The following ADAM2 variants were observed in gnomAD, a reference collection of about 807,000 sequenced individuals.
ADAM2 encodes ADAM metallopeptidase domain 2.
Under a neutral mutation model 99.3 loss-of-function variants are expected in ADAM2, and 101 were observed. The observed-to-expected ratio is 1.02, with a 90% confidence interval of 0.87 to 1.20. The LOEUF is 1.20. Ranked by LOEUF, ADAM2 falls within the 50% of genes most tolerant of loss-of-function variation. ADAM2 has a pLI of 0.00. For missense variants in ADAM2, 948 were observed against 878.7 expected, an observed-to-expected ratio of 1.08 and a Z score of -1.00; for synonymous variants, 323 against 287.6, an observed-to-expected ratio of 1.12 and a Z score of -1.25.
intron 3 of ADAM2, among the ~76,000 whole-genome samples, chr8:39,830,870 G>A (rs1348628294): frequency 2.0e-5 from 3 of 152,128 alleles, no homozygotes; most frequent in African/African-American, 7.2e-5. Context: ...ATGGTTTTAG[G>A]AGGTGATACT....
At chr8:39,748,453 C>G (rs1823561487) in intron 18 of ADAM2, among the ~76,000 whole-genome samples, 1 of 152,102 alleles carries the variant, frequency 6.6e-6, no homozygotes, top group Admixed American at 6.6e-5. Flanking sequence ...ACTTACTAAT[C>G]TATTACTATA....
chr8:39,818,412 A>T (rs1363003253), intron 6 of ADAM2, among the ~76,000 whole-genome samples: 2 of 152,068 alleles, frequency 1.3e-5, no homozygotes, highest in African/African-American at 4.8e-5. Flanking sequence ...ACAAACTAAC[A>T]CTGGATGAAA....
At chr8:39,791,759 C>A (rs2129585626) in intron 7 of ADAM2, among the ~76,000 whole-genome samples, 1 of 152,122 alleles carries the variant, frequency 6.6e-6, no homozygotes, top group South Asian at 2.1e-4. Context: ...TAAAAGATAG[C>A]TGTTGCCACA....
intron 5 of ADAM2, 91 bp from the exon 6 acceptor site, chr8:39,821,261 C>G (rs1805177122): frequency 1.1e-6 from 1 of 923,434 alleles, no homozygotes; most frequent in African/African-American, 1.7e-5. Flanking sequence ...TCATGGTATG[C>G]AGATTATTTT....
At chr8:39,776,507 A>G (rs965744897) in intron 11 of ADAM2, among the ~76,000 whole-genome samples, 2 of 152,124 alleles carry the variant, frequency 1.3e-5, no homozygotes, top group Non-Finnish European at 2.9e-5. Context: ...ATTTCTACAA[A>G]CATTCATAAT....
At chr8:39,790,877 C>T (rs1480842015) in intron 7 of ADAM2, among the ~76,000 whole-genome samples, 1 of 151,762 alleles carries the variant, frequency 6.6e-6, no homozygotes, top group Non-Finnish European at 1.5e-5. Context: ...ATTTTAATGT[C>T]CCCAATTAAC....
intron 14 of ADAM2, among the ~76,000 whole-genome samples, chr8:39,765,700 C>T (rs568152351): frequency 6.6e-6 from 1 of 152,284 alleles, no homozygotes; most frequent in African/African-American, 2.4e-5. Context: ...CCAAATTACC[C>T]ATTTTCCCAG....
chr8:39,833,006 T>C (rs1805678657), intron 3 of ADAM2, among the ~76,000 whole-genome samples: 1 of 152,166 alleles, frequency 6.6e-6, no homozygotes. Flanking sequence ...TTTTGATCTA[T>C]ATTAAACATT....
In ADAM2 at chr8:39,777,119, C is replaced by G. The variant is rs745841374; in HGVS notation, c.934G>C (p.Ala312Pro). The G allele has an allele frequency of 2.5e-6, 4 of 1,611,120 alleles. No homozygotes were observed. Among genetic ancestry groups the G allele is most frequent in the Non-Finnish European group, 2.5e-6 (3 of 1,177,946 alleles). The change falls in exon 11 of 21, where the codon GCT (alanine) becomes CCT (proline). Residue 312 changes from alanine to proline, a missense_variant. Ala to Pro is a conservative substitution (Grantham distance 27, BLOSUM62 -1). Transcript: ENST00000265708. ...ISLESLAVIL[A>P]QLLSLSMGIT... ...CCCATACTAAGGCTCAATAATTGAG[C>G]TAAAATAACTGCAAGTGATTCCAGA...
chr8:39,826,724 AC>A (rs1165251974), intron 3 of ADAM2, among the ~76,000 whole-genome samples: 147 of 151,770 alleles, frequency 9.7e-4, no homozygotes, highest in Non-Finnish European at 1.4e-3. Flanking sequence ...AAAAAAAAAA[AC>A]AAAAAAACCA....
Position 39,763,955 on chromosome 8 carries a change from A to G in ADAM2, c.1508-2674T>C, listed in dbSNP as rs564263591. The stretch of plus-strand genomic sequence containing the variant: ...ATGTGAAACAGAATAGCTCAAACCT[A>G]TTGTTCACTCTGGGTCAGATTTATC... On this transcript the variant is annotated intron_variant, in intron 14 of 20. Coordinates refer to ENST00000265708, the MANE Select transcript of ADAM2 (RefSeq NM_001464.5). Among the ~76,000 whole-genome samples the G allele has an allele frequency of 2.9e-4, 44 of 152,358 alleles. No homozygotes were observed. The South Asian group carries it at 8.9e-3, about 31-fold the overall frequency.
At chr8:39,777,460 G>GATA in intron 10 of ADAM2, among the ~76,000 whole-genome samples, 1 of 152,102 alleles carries the variant, frequency 6.6e-6, no homozygotes, top group Admixed American at 6.6e-5. Context: ...ATTCACAAAA[G>GATA]ATAATATCTA....
intron 16 of ADAM2, among the ~76,000 whole-genome samples, chr8:39,753,751 CG>C (rs1419955254): frequency 2.6e-5 from 4 of 152,046 alleles, no homozygotes; most frequent in Admixed American, 2.0e-4. Context: ...GTAAATCCAC[CG>C]GAATAGTAAA....
At chr8:39,764,732 G>A (rs1802497545) in intron 14 of ADAM2, among the ~76,000 whole-genome samples, 1 of 152,108 alleles carries the variant, frequency 6.6e-6, no homozygotes. Flanking sequence ...GCTGCACACA[G>A]GCCAGGCGCA....
intron 14 of ADAM2, among the ~76,000 whole-genome samples, chr8:39,763,522 G>A (rs1052405619): frequency 6.6e-6 from 1 of 152,214 alleles, no homozygotes; most frequent in Non-Finnish European, 1.5e-5. Flanking sequence ...AATGAGAAAT[G>A]TGATGCATGT....
intron 3 of ADAM2, among the ~76,000 whole-genome samples, chr8:39,828,154 A>G (rs896955737): frequency 6.6e-6 from 1 of 151,970 alleles, no homozygotes; most frequent in Non-Finnish European, 1.5e-5. Context: ...ACAGAAATGT[A>G]GGGAGAACTA....
In ADAM2 at chr8:39,837,202, A is replaced by G; in HGVS notation, c.66T>C (p.Ser22=). 1 of 1,607,640 alleles carries G rather than the reference A, an allele frequency of 6.2e-7. No individual in the cohort carries two copies. The highest frequency in any genetic ancestry group is 8.5e-7 in the Non-Finnish European group (1 of 1,176,192). The change falls in exon 2 of 21, where the codon AGT becomes AGC. Residue 22 remains serine (S), a synonymous_variant. Transcript: ENST00000265708. ...GGLRMDSNFD[S]LPVQITVPEK... is the part of the protein sequence containing the mutation. ...CCGGAACTGTAATTTGCACAGGTAA[A>G]CTATCAAAATCTGCAAAATGTGCAA...
intron 12 of ADAM2, among the ~76,000 whole-genome samples, chr8:39,767,959 G>A (rs1360015132): frequency 2.0e-5 from 3 of 151,406 alleles, no homozygotes; most frequent in Non-Finnish European, 4.4e-5. Flanking sequence ...ATTTAAAATA[G>A]GGTAAATTGG....
Position 39,766,972 on chromosome 8 carries a change from T to C in ADAM2, c.1383A>G (p.Ser461=), listed in dbSNP as rs1222406711. ...AGTGGTTTTCTGGGCATGATGCAGA[T>C]GATCCATTGCAATATTCAGGGAGGT... The part of the protein sequence containing the change: ...ECDLPEYCNG[S]SASCPENHYV... Residue 461 remains serine (S), a synonymous_variant, in exon 14 of 21, where the codon TCA becomes TCG. Transcript: ENST00000265708. The C allele has an allele frequency of 3.1e-6, 5 of 1,614,094 alleles. No individual in the cohort carries two copies. Among genetic ancestry groups the C allele is most frequent in the Non-Finnish European group, 4.2e-6 (5 of 1,180,036 alleles).
Sources: gnomAD v4.1 joint callset for allele counts (sites outside exome capture counted in the v4.1 genomes callset) on GRCh38, gnomAD v4.1.1 for gene constraint, MANE v1.5 for transcripts, NCBI Gene and HGNC (gene_info 2026-07-23, HGNC 2026-07-21) for gene names.